TACC2: variants seen among roughly 807,000 people sequenced by gnomAD.
TACC2 encodes transforming acidic coiled-coil containing protein 2, also known as transforming acidic coiled-coil-containing protein 2.
Under a neutral mutation model 227.3 loss-of-function variants are expected in TACC2, and 137 were observed. The ratio of observed to expected loss-of-function variants is 0.60; its 90% CI spans 0.52 to 0.69. The LOEUF is 0.69. TACC2 is among the 30% of genes least tolerant of loss of function. The pLI is 0.00. For missense variants in TACC2, 3,470 were observed against 3,694.4 expected, an observed-to-expected ratio of 0.94 and a Z score of 1.57; for synonymous variants, 1,523 against 1,487.5, an observed-to-expected ratio of 1.02 and a Z score of -0.55.
chr10:122,167,032 C>G (rs1006770528), intron 7 of TACC2, among the ~76,000 whole-genome samples: 12 of 152,208 alleles, frequency 7.9e-5, no homozygotes, highest in Non-Finnish European at 1.0e-4. Context: ...GCATTAAGTA[C>G]TTTGTCCTTT....
chr10:122,226,604 ATT>A (rs61312157), intron 13 of TACC2, 123 bp downstream of exon 13: 1,502 of 297,544 alleles, frequency 5.0e-3, no homozygotes, highest in Admixed American at 6.2e-3. Context: ...CATGCCACAT[ATT>A]TTTTTTTTTT....
intron 7 of TACC2, chr10:122,163,378 G>C (rs2092941222): frequency 1.2e-5 from 2 of 172,912 alleles, no homozygotes; most frequent in Admixed American, 1.3e-4. Flanking sequence ...CCTTTCTAGG[G>C]CCCCAGCTCC....
intron 16 of TACC2, among the ~76,000 whole-genome samples, chr10:122,234,609 G>T (rs890716447): frequency 2.6e-5 from 4 of 152,228 alleles, no homozygotes; most frequent in Non-Finnish European, 5.9e-5. Flanking sequence ...ATTCAAGAGG[G>T]CTCTGAAGTC....
intron 5 of TACC2, among the ~76,000 whole-genome samples, chr10:122,096,777 C>G (rs1591956641): frequency 6.6e-6 from 1 of 152,104 alleles, no homozygotes; most frequent in East Asian, 1.9e-4. Flanking sequence ...CCACTGATGT[C>G]TCTGCACTGT....
intron 5 of TACC2, among the ~76,000 whole-genome samples, chr10:122,096,593 G>A (rs1013870924): frequency 2.6e-4 from 39 of 152,156 alleles, no homozygotes; most frequent in African/African-American, 8.7e-4. Context: ...CTACACAGGA[G>A]GCTGAGGTGG....
chr10:122,015,326 G>A, intron 1 of TACC2, among the ~76,000 whole-genome samples: 1 of 152,020 alleles, frequency 6.6e-6, no homozygotes, highest in African/African-American at 2.4e-5. Flanking sequence ...CCAACATGGT[G>A]AAACCCGGTC....
intron 1 of TACC2, among the ~76,000 whole-genome samples, 184 bp from the exon 2 acceptor site, chr10:122,021,753 T>C (rs1163635825): frequency 6.6e-6 from 1 of 152,150 alleles, no homozygotes; most frequent in Non-Finnish European, 1.5e-5. Context: ...CCAGCCCGTA[T>C]TGGGAAAGAA....
In TACC2 at chr10:122,087,486, C is replaced by T. The variant is rs142571035; in HGVS notation, c.4986C>T (p.Pro1662=). ...ACACGCTTGGGGGTGAAAGGAGACCCGGAGTCACTGCTGGCATCTTGGAAA... is the reference window on the plus strand; with the variant it reads ...ACACGCTTGGGGGTGAAAGGAGACCTGGAGTCACTGCTGGCATCTTGGAAA... ...TLDTLGGERR[P]GVTAGILEMR... Residue 1662 remains proline, a synonymous_variant, in exon 4 of 23, where the codon CCC becomes CCT. Coordinates refer to ENST00000369005, the MANE Select transcript of TACC2 (RefSeq NM_206862.4). 1.9e-4 allele frequency: 302 copies of T among 1,613,982 alleles called. 3 individuals carry two copies. The South Asian group carries it at 2.1e-3, about 11-fold the overall frequency.
chr10:122,190,407 T>G (rs1411952118), intron 7 of TACC2, among the ~76,000 whole-genome samples: 2 of 152,158 alleles, frequency 1.3e-5, no homozygotes, highest in African/African-American at 4.8e-5. Flanking sequence ...TGTGGGACTC[T>G]AGAGACCAAG....
intron 21 of TACC2, 47 bp from the exon 22 acceptor site, chr10:122,249,497 T>C (rs1260829197): frequency 6.2e-7 from 1 of 1,600,440 alleles, no homozygotes; most frequent in East Asian, 2.2e-5. Flanking sequence ...GAGGTGTCTC[T>C]AGTGATCCAC....
intron 1 of TACC2, among the ~76,000 whole-genome samples, chr10:122,007,439 A>G (rs1413966325): frequency 4.6e-5 from 7 of 152,132 alleles, no homozygotes; most frequent in Non-Finnish European, 8.8e-5. Context: ...GTTCCTCTTC[A>G]TAGTTGGTCT....
chr10:122,148,673 C>T (rs1011745432), intron 7 of TACC2, among the ~76,000 whole-genome samples: 6 of 152,382 alleles, frequency 3.9e-5, no homozygotes, highest in Admixed American at 3.9e-4. Flanking sequence ...TTCTTGCAAA[C>T]ATGCTGGGTG....
At chr10:122,229,566 A>G (rs2095694463) in intron 15 of TACC2, 80 bp downstream of exon 15, 1 of 1,537,940 alleles carries the variant, frequency 6.5e-7, no homozygotes, top group Admixed American at 1.8e-5. Context: ...AAATGAAATA[A>G]GGCAGGATTT....
chr10:122,238,698 G>A (rs2095912054), intron 18 of TACC2, among the ~76,000 whole-genome samples: 1 of 152,054 alleles, frequency 6.6e-6, no homozygotes, highest in South Asian at 2.1e-4. Context: ...TGATCCACCC[G>A]CCTCGGCCTC....
chr10:122,115,525 G>C (rs1395998889), intron 5 of TACC2, among the ~76,000 whole-genome samples: 3 of 152,218 alleles, frequency 2.0e-5, no homozygotes, highest in African/African-American at 7.2e-5. Flanking sequence ...TCACTCTCAT[G>C]TGAGAGTCCT....
Position 122,080,862 on chromosome 10 carries a change from A to G in TACC2, c.147-1785A>G, listed in dbSNP as rs184202902. Among the ~76,000 whole-genome samples, 463 of 152,260 alleles carry G rather than the reference A, an allele frequency of 3.0e-3. 2 individuals carry two copies. The highest frequency in any genetic ancestry group is 0.011 in the African/African-American group (447 of 41,546). ...GCCCCCTCCAGAACGCTGTGGGCTTATGTGTGTGTGAATATGTGTGCATGT... is the reference window on the plus strand; with the variant it reads ...GCCCCCTCCAGAACGCTGTGGGCTTGTGTGTGTGTGAATATGTGTGCATGT... On this transcript the variant is annotated intron_variant, in intron 3 of 22. Transcript: ENST00000369005.
chr10:122,162,087 G>A (rs2092850935), intron 7 of TACC2, among the ~76,000 whole-genome samples: 1 of 152,210 alleles, frequency 6.6e-6, no homozygotes, highest in Non-Finnish European at 1.5e-5. Context: ...TTCCCCGCAA[G>A]ATTGACATAA....
intron 6 of TACC2, among the ~76,000 whole-genome samples, chr10:122,143,271 G>A (rs947071281): frequency 5.3e-5 from 8 of 152,238 alleles, no homozygotes; most frequent in Middle Eastern, 3.4e-3. Context: ...AAAATCAAAC[G>A]AGAAAACTCA....
At chr10:122,022,195 G>A (rs1957417336) in intron 2 of TACC2, 181 bp downstream of exon 2, 9 of 597,002 alleles carry the variant, frequency 1.5e-5, no homozygotes, top group South Asian at 1.1e-4. Flanking sequence ...ATTCTCTTAC[G>A]ATTAAGGCTA....
Sources: allele counts gnomAD v4.1 joint callset (sites outside exome capture counted in the v4.1 genomes callset), GRCh38; gene constraint gnomAD v4.1.1; transcripts MANE v1.5; gene names NCBI Gene and HGNC (gene_info 2026-07-23, HGNC 2026-07-21).